The following LPA variants were observed in gnomAD, a reference collection of about 807,000 sequenced individuals.
LPA encodes the protein lipoprotein(a), also known as apolipoprotein(a).
In LPA, 199 loss-of-function variants were observed where a neutral mutation model predicts 197.9. That is an observed-to-expected ratio of 1.01 (90% confidence interval 0.90 to 1.13). The LOEUF (loss-of-function observed/expected upper bound fraction) is 1.13, where lower values mean the gene tolerates loss of function less well. Among genes scored for constraint, LPA ranks in the 50% most tolerant of loss-of-function variants. The pLI, the probability that LPA is intolerant of heterozygous loss-of-function variation, is 0.00. For missense variants in LPA, 1,853 were observed against 1,785.8 expected (o/e 1.04, Z -0.68); for synonymous variants, 715 against 639.5 (o/e 1.12, Z -1.78).
intron 20 of LPA, among the ~76,000 whole-genome samples, chr6:160,597,622 C>T (rs1461544017): frequency 6.6e-6 from 1 of 152,168 alleles, no homozygotes; most frequent in Non-Finnish European, 1.5e-5. Context: ...TTTAATAGTC[C>T]TTTAATTTGA....
intron 29 of LPA, among the ~76,000 whole-genome samples, chr6:160,556,504 C>A (rs41264324): frequency 6.6e-6 from 1 of 151,934 alleles, no homozygotes; most frequent in Non-Finnish European, 1.5e-5. Flanking sequence ...GGAAACCAGA[C>A]GATGATGGAT....
chr6:160,594,023 T>A lies in LPA; in HGVS notation c.3564A>T (p.Thr1188=), dbSNP rs1779082590. Residue 1188 remains threonine (T), a synonymous_variant, in exon 22 of 39, where the codon ACA becomes ACT. Coordinates refer to ENST00000316300, the MANE Select transcript of LPA (RefSeq NM_005577.4). ...GSFSTTVTGR[T]CQSWSSMTPH... The stretch of plus-strand genomic sequence containing the variant: ...GTGTCATAGAGGACCAAGACTGACA[T>A]GTCCTTCCTGTGACAGTGGTAGAGA... 6.2e-7 allele frequency: 1 copy of A among 1,614,028 alleles called. No individual in the cohort carries two copies. Among genetic ancestry groups the A allele is most frequent in the Non-Finnish European group, 8.5e-7 (1 of 1,179,886 alleles).
intron 28 of LPA, among the ~76,000 whole-genome samples, chr6:160,574,452 TC>T (rs1778618829): frequency 1.3e-5 from 2 of 152,038 alleles, no homozygotes; most frequent in Non-Finnish European, 2.9e-5. Flanking sequence ...GTTAGAAAGT[TC>T]AGGTAGAGCA....
rs1779356345 is a variant in LPA at position 160,606,537 on chromosome 6, T to C, written c.2725A>G (p.Thr909Ala). 2 of 1,613,534 alleles carry C rather than the reference T, an allele frequency of 1.2e-6. No homozygotes were observed. The highest frequency in any genetic ancestry group is 1.7e-6 in the Non-Finnish European group (2 of 1,179,956). The change falls in exon 17 of 39, where the codon ACT becomes GCT. Residue 909 changes from threonine to alanine, a missense_variant. This residue lies in a region of LPA where 1,737 missense variants were observed against 1,504.4 expected (regional missense o/e 1.15). Coordinates refer to ENST00000316300, the MANE Select transcript of LPA (RefSeq NM_005577.4). ...GTAATAGTTGGAGGCGCGACGGCAGTCCCTTCTGCGTCTGAGCATTGTGTC... is the reference window on the plus strand; with the variant it reads ...GTAATAGTTGGAGGCGCGACGGCAGCCCCTTCTGCGTCTGAGCATTGTGTC... ...NLTQCSDAEG[T>A]AVAPPTITPI...
In LPA at chr6:160,531,808, G is replaced by A. The variant is rs754916925; in HGVS notation, c.6044C>T (p.Ala2015Val). ...ATAGACACCAGGCTTATTGGGGCGT[G>A]CACAGCCAAGACCCCAAGAAGTGAC... ...QGVTSWGLGC[A>V]RPNKPGVYAR... Residue 2015 changes from alanine (A) to valine (V), a missense_variant, in exon 39 of 39, where the codon GCA becomes GTA. By Grantham distance (64) the Ala-to-Val change is moderately conservative. Coordinates refer to ENST00000316300, the MANE Select transcript of LPA (RefSeq NM_005577.4). The A allele has an allele frequency of 1.2e-6, 2 of 1,614,116 alleles. No homozygotes were observed. The highest frequency in any genetic ancestry group is 2.2e-5 in the South Asian group (2 of 91,082).
At chr6:160,567,975 A>T (rs1778489770) in intron 28 of LPA, among the ~76,000 whole-genome samples, 2 of 152,246 alleles carry the variant, frequency 1.3e-5, no homozygotes, top group Admixed American at 1.3e-4. Flanking sequence ...TAGACCAATA[A>T]CAGGCTCTGA....
intron 26 of LPA, among the ~76,000 whole-genome samples, chr6:160,584,267 TTCC>T (rs776811654): frequency 3.5e-4 from 42 of 118,424 alleles, no homozygotes; most frequent in South Asian, 1.9e-3. Context: ...CCTCTTCCTC[TTCC>T]TCTTCTTCTT....
chr6:160,531,612 C>A lies in LPA; in HGVS notation c.*117G>T. On this transcript the variant is annotated 3_prime_UTR_variant, in exon 39 of 39. Coordinates refer to ENST00000316300, the MANE Select transcript of LPA (RefSeq NM_005577.4). ...CCAAAAATGCCAAGGTTTGGCATAG[C>A]TGGTAGCTGGGAACAGTGTCTTCGT... 1 of 1,402,320 alleles carries A rather than the reference C, an allele frequency of 7.1e-7. No individual in the cohort carries two copies. Among genetic ancestry groups the A allele is most frequent in the Non-Finnish European group, 1.0e-6 (1 of 993,764 alleles). 86.9% of individuals were successfully genotyped at this position (1,402,320 alleles called of 1,614,324 possible).
intron 28 of LPA, among the ~76,000 whole-genome samples, chr6:160,566,532 C>T (rs1243467737): frequency 1.3e-5 from 2 of 152,154 alleles, no homozygotes; most frequent in Non-Finnish European, 2.9e-5. Flanking sequence ...AGCCACTGCA[C>T]AAACATGCCA....
intron 28 of LPA, among the ~76,000 whole-genome samples, chr6:160,566,440 C>T (rs986156709): frequency 1.3e-5 from 2 of 152,136 alleles, no homozygotes; most frequent in South Asian, 2.1e-4. Context: ...CAAGCAAATG[C>T]TGAGAGATTT....
In LPA at chr6:160,635,140, T is replaced by G. The variant is rs779662126; in HGVS notation, c.1058A>C (p.Glu353Ala). 1.3e-6 allele frequency: 2 copies of G among 1,483,658 alleles called. No homozygotes were observed. 91.9% of individuals were successfully genotyped at this position (1,483,658 alleles called of 1,614,324 possible). The part of the protein sequence containing the change: ...PPTVTPVPSL[E>A]APSEQAPTEQ... ...CTCCTTACCTTGTTCGGAAGGAGCC[T>G]CTAGGCTTGGAACCGGGGTAACAGT... Residue 353 changes from glutamate (E) to alanine (A), a missense_variant, in exon 7 of 39, where the codon GAG becomes GCG. Glu to Ala is a moderately radical substitution (Grantham distance 107, BLOSUM62 -1). This residue lies in a region of LPA where 28 missense variants were observed against 198.4 expected (regional missense o/e 0.14). Transcript: ENST00000316300.
chr6:160,657,165 A>T (rs1408065428), intron 1 of LPA, among the ~76,000 whole-genome samples: 1 of 152,170 alleles, frequency 6.6e-6, no homozygotes, highest in Non-Finnish European at 1.5e-5. Context: ...CTCTTCAAAA[A>T]TACAGGTGCT....
chr6:160,550,872 C>T (rs1249191852), intron 30 of LPA, among the ~76,000 whole-genome samples: 1 of 152,176 alleles, frequency 6.6e-6, no homozygotes, highest in Non-Finnish European at 1.5e-5. Context: ...CAAAAACATG[C>T]TCCCTTTTAT....
At chr6:160,549,852 A>C (rs1778139788) in intron 30 of LPA, among the ~76,000 whole-genome samples, 1 of 152,206 alleles carries the variant, frequency 6.6e-6, no homozygotes, top group South Asian at 2.1e-4. Context: ...CCAAGGCATA[A>C]AGTGAGAGGG....
At chr6:160,571,178 T>A (rs1778555592) in intron 28 of LPA, among the ~76,000 whole-genome samples, 1 of 152,200 alleles carries the variant, frequency 6.6e-6, no homozygotes, top group South Asian at 2.1e-4. Context: ...TACTTGTGTA[T>A]GTGTCATGAA....
intron 26 of LPA, among the ~76,000 whole-genome samples, chr6:160,584,200 CTT>C (rs1778853950): frequency 8.6e-6 from 1 of 116,442 alleles, no homozygotes; most frequent in African/African-American, 3.3e-5. Context: ...TCTTCTTCTT[CTT>C]CTTCTTCTTC....
intron 34 of LPA, among the ~76,000 whole-genome samples, chr6:160,541,559 A>G (rs1346243466): frequency 6.6e-6 from 1 of 152,208 alleles, no homozygotes; most frequent in Non-Finnish European, 1.5e-5. Context: ...GACAAGATCT[A>G]TGCAAGGTCA....
chr6:160,601,129 A>G (rs527542581), intron 18 of LPA, 31 bp from the exon 19 acceptor site: 5 of 1,607,266 alleles, frequency 3.1e-6, no homozygotes, highest in Non-Finnish European at 4.3e-6. Context: ...CACATCACAA[A>G]AAATGGGTAC....
intron 7 of LPA, among the ~76,000 whole-genome samples, chr6:160,634,747 T>C (rs1779770626): frequency 6.6e-6 from 1 of 151,788 alleles, no homozygotes; most frequent in Non-Finnish European, 1.5e-5. Flanking sequence ...ATGCTGAAGA[T>C]TGCACTGACT....
Sources: allele counts gnomAD v4.1 joint callset (sites outside exome capture counted in the v4.1 genomes callset), GRCh38; gene constraint gnomAD v4.1.1; regional missense constraint gnomAD v4.1.1; transcripts MANE v1.5; gene names NCBI Gene and HGNC (gene_info 2026-07-23, HGNC 2026-07-21).